The following CNTNAP2 variants were observed in gnomAD, a reference collection of about 807,000 sequenced individuals.
The protein encoded by CNTNAP2 is contactin-associated protein-like 2.
Under a neutral mutation model 155.2 loss-of-function variants are expected in CNTNAP2, and 98 were observed. The ratio of observed to expected loss-of-function variants is 0.63; its 90% confidence interval spans 0.54 to 0.75. The LOEUF is 0.75. CNTNAP2 is among the 30% of genes least tolerant of loss of function. The pLI is 0.00. For missense variants in CNTNAP2, 1,727 were observed against 1,688.1 expected (o/e 1.02, Z -0.40); for synonymous variants, 651 against 631.2 (o/e 1.03, Z -0.47).
intron 3 of CNTNAP2, among the ~76,000 whole-genome samples, chr7:146,915,322 A>G (rs1297608228): frequency 6.6e-6 from 1 of 152,062 alleles, no homozygotes; most frequent in Non-Finnish European, 1.5e-5. Flanking sequence ...TATAAATTTT[A>G]GAACTTTTTC....
chr7:148,375,242 T>C (rs1280809341), intron 21 of CNTNAP2, among the ~76,000 whole-genome samples: 6 of 114,396 alleles, frequency 5.2e-5, no homozygotes, highest in African/African-American at 1.7e-4. Flanking sequence ...ATATGTATGT[T>C]ATACTATATA....
intron 1 of CNTNAP2, among the ~76,000 whole-genome samples, chr7:146,350,965 T>A (rs537029180): frequency 9.2e-4 from 123 of 134,198 alleles, no homozygotes; most frequent in Non-Finnish European, 1.5e-3. Flanking sequence ...CACTCATAGG[T>A]GGAAATTGAA....
chr7:147,335,049 G>A (rs1321331182), intron 9 of CNTNAP2, among the ~76,000 whole-genome samples: 1 of 152,266 alleles, frequency 6.6e-6, no homozygotes, highest in Non-Finnish European at 1.5e-5. Context: ...AAGGCCTACA[G>A]AACCAGTAAG....
At chr7:147,369,024 A>G (rs1303571718) in intron 9 of CNTNAP2, among the ~76,000 whole-genome samples, 1 of 152,204 alleles carries the variant, frequency 6.6e-6, no homozygotes, top group Non-Finnish European at 1.5e-5. Context: ...TTAGGTCACA[A>G]GTAGTAACTT....
chr7:147,883,814 C>T (rs771856113), intron 13 of CNTNAP2, among the ~76,000 whole-genome samples: 3 of 152,034 alleles, frequency 2.0e-5, no homozygotes, highest in Non-Finnish European at 4.4e-5. Flanking sequence ...GACTTGAATT[C>T]GTGCATCTGA....
intron 20 of CNTNAP2, among the ~76,000 whole-genome samples, chr7:148,263,505 G>A (rs1183468660): frequency 6.6e-6 from 1 of 152,104 alleles, no homozygotes; most frequent in African/African-American, 2.4e-5. Context: ...TTGGGAGGCC[G>A]AGGTGGGCGG....
At chr7:148,144,018 A>C (rs1275482860) in intron 16 of CNTNAP2, among the ~76,000 whole-genome samples, 1 of 152,194 alleles carries the variant, frequency 6.6e-6, no homozygotes, top group Non-Finnish European at 1.5e-5. Context: ...TGCAAAGTGC[A>C]AGACTCTGGA....
chr7:148,380,750 C>A (rs956807542), intron 21 of CNTNAP2, among the ~76,000 whole-genome samples: 2 of 152,014 alleles, frequency 1.3e-5, no homozygotes, highest in African/African-American at 2.4e-5. Context: ...AGAGGGTTAC[C>A]AGGAGACTTA....
chr7:146,882,813 C>A (rs939890217), intron 3 of CNTNAP2, among the ~76,000 whole-genome samples: 7 of 152,184 alleles, frequency 4.6e-5, no homozygotes, highest in Admixed American at 1.3e-4. Flanking sequence ...AATGCGATAC[C>A]TTTTACAATA....
At chr7:148,313,139 T>C (rs891380124) in intron 21 of CNTNAP2, among the ~76,000 whole-genome samples, 30 of 151,524 alleles carry the variant, frequency 2.0e-4, no homozygotes, top group African/African-American at 7.3e-4. Flanking sequence ...TGGCCATCAA[T>C]ACCCACAACA....
At chr7:147,071,087 C>T (rs537536607) in intron 4 of CNTNAP2, among the ~76,000 whole-genome samples, 2 of 152,136 alleles carry the variant, frequency 1.3e-5, no homozygotes, top group East Asian at 1.9e-4. Flanking sequence ...AGCTGTTTCA[C>T]CATAGACACA....
intron 2 of CNTNAP2, among the ~76,000 whole-genome samples, chr7:146,819,050 A>T (rs996278716): frequency 2.6e-5 from 4 of 152,122 alleles, no homozygotes; most frequent in African/African-American, 9.7e-5. Context: ...GTATATTCAG[A>T]TTCATATTCT....
At chr7:146,683,328 C>T (rs1033891371) in intron 1 of CNTNAP2, among the ~76,000 whole-genome samples, 5 of 152,180 alleles carry the variant, frequency 3.3e-5, no homozygotes, top group East Asian at 1.9e-4. Flanking sequence ...CCACCATGCA[C>T]GGCCAAGTCG....
At chr7:146,825,446 T>TG (rs1266737535) in intron 2 of CNTNAP2, among the ~76,000 whole-genome samples, 9 of 152,112 alleles carry the variant, frequency 5.9e-5, no homozygotes, top group Admixed American at 5.9e-4. Context: ...TCACTATGCA[T>TG]GAGTCCTGGG....
At chr7:147,571,333 C>T (rs1050849585) in intron 12 of CNTNAP2, among the ~76,000 whole-genome samples, 1 of 139,302 alleles carries the variant, frequency 7.2e-6, no homozygotes, top group Non-Finnish European at 1.5e-5. Context: ...CATGTGTTCT[C>T]ATTGTTCAAT....
chr7:147,126,547 C>G (rs1801242481), intron 6 of CNTNAP2, among the ~76,000 whole-genome samples: 1 of 152,182 alleles, frequency 6.6e-6, no homozygotes, highest in South Asian at 2.1e-4. Flanking sequence ...GATCTCAGCT[C>G]ACCGCAATCT....
intron 10 of CNTNAP2, among the ~76,000 whole-genome samples, chr7:147,404,527 G>T (rs1033342197): frequency 6.6e-6 from 1 of 151,996 alleles, no homozygotes; most frequent in South Asian, 2.1e-4. Flanking sequence ...GTTGCAAATC[G>T]CTATGCTCTA....
intron 2 of CNTNAP2, among the ~76,000 whole-genome samples, chr7:146,838,771 TG>T (rs914297342): frequency 1.3e-5 from 2 of 152,240 alleles, no homozygotes; most frequent in African/African-American, 2.4e-5. Flanking sequence ...TAAATTATTT[TG>T]CCAGCCTTTA....
At chr7:148,140,805 G>A (rs1281708291) in intron 16 of CNTNAP2, among the ~76,000 whole-genome samples, 1 of 152,156 alleles carries the variant, frequency 6.6e-6, no homozygotes, top group Non-Finnish European at 1.5e-5. Context: ...AAGGCTCCCA[G>A]GCAAATGAAG....
Sources: gnomAD v4.1 joint callset for allele counts (sites outside exome capture counted in the v4.1 genomes callset) on GRCh38, gnomAD v4.1.1 for gene constraint, MANE v1.5 for transcripts, NCBI Gene and HGNC (gene_info 2026-07-23, HGNC 2026-07-21) for gene names.